TRHDE: variants seen among roughly 807,000 people sequenced by gnomAD.
The protein encoded by TRHDE is thyrotropin releasing hormone degrading enzyme.
TRHDE carries 72 observed loss-of-function variants against 125.7 expected under a neutral mutation model. The observed-to-expected ratio is 0.57, with a 90% CI of 0.47 to 0.70. The LOEUF (loss-of-function observed/expected upper bound fraction) is 0.70. Among genes scored for constraint, TRHDE ranks in the 30% least tolerant of loss-of-function variants. TRHDE has a pLI of 0.00. For missense variants in TRHDE, 1,110 were observed against 1,327.1 expected (o/e 0.84, Z 2.54); for synonymous variants, 509 against 509.1 (o/e 1.00, Z 0.00).
intron 5 of TRHDE, among the ~76,000 whole-genome samples, chr12:72,491,229 A>G (rs1204707743): frequency 2.0e-5 from 3 of 151,950 alleles, no homozygotes; most frequent in Admixed American, 2.0e-4. Context: ...ATATGAAAGC[A>G]CATGGCATAT....
At chr12:72,475,488 G>T (rs1342014435) in intron 5 of TRHDE, among the ~76,000 whole-genome samples, 1 of 152,088 alleles carries the variant, frequency 6.6e-6, no homozygotes, top group East Asian at 1.9e-4. Context: ...GACAGCTTTT[G>T]ATTGTTTTAG....
intron 3 of TRHDE, among the ~76,000 whole-genome samples, chr12:72,447,742 T>C (rs1466713375): frequency 6.6e-6 from 1 of 152,002 alleles, no homozygotes; most frequent in Non-Finnish European, 1.5e-5. Flanking sequence ...CAAAAAAAGA[T>C]TGATGCTTGA....
intron 12 of TRHDE, among the ~76,000 whole-genome samples, chr12:72,611,817 AATG>A (rs1872643311): frequency 6.6e-6 from 1 of 152,184 alleles, no homozygotes; most frequent in African/African-American, 2.4e-5. Context: ...CTCTTAATAG[AATG>A]ATGTTTATGA....
At chr12:72,383,503 A>G (rs535785084) in intron 3 of TRHDE, among the ~76,000 whole-genome samples, 21 of 147,572 alleles carry the variant, frequency 1.4e-4, no homozygotes, top group African/African-American at 5.3e-4. Context: ...CAGCCTACCC[A>G]GTAGCTGGGA....
chr12:72,097,878 CA>C (rs1383937250), intron 1 of TRHDE, among the ~76,000 whole-genome samples: 2 of 152,008 alleles, frequency 1.3e-5, no homozygotes, highest in African/African-American at 4.8e-5. Flanking sequence ...GGCCTGTTAC[CA>C]AATGCTTAAA....
At chr12:72,645,005 T>TG (rs1194609087) in intron 15 of TRHDE, among the ~76,000 whole-genome samples, 1 of 152,184 alleles carries the variant, frequency 6.6e-6, no homozygotes, top group African/African-American at 2.4e-5. Flanking sequence ...GCTAGGCTAT[T>TG]GGGTGAGTAT....
chr12:72,456,176 C>CAGAGAG (rs1555187731), intron 3 of TRHDE, among the ~76,000 whole-genome samples: 1 of 140,442 alleles, frequency 7.1e-6, no homozygotes, highest in Non-Finnish European at 1.5e-5. Flanking sequence ...CACACACACA[C>CAGAGAG]AGAGACTCAG....
intron 15 of TRHDE, among the ~76,000 whole-genome samples, chr12:72,639,138 A>C (rs1261661307): frequency 6.6e-6 from 1 of 150,912 alleles, no homozygotes; most frequent in Non-Finnish European, 1.5e-5. Context: ...ACTTTCAGGT[A>C]CACCAATCAG....
chr12:72,637,391 T>C lies in TRHDE; in HGVS notation c.2676-14931T>C, dbSNP rs183670623. Reference sequence around the variant, plus strand: ...TTATTGCATCTATTTGATTCTTTTCTCTTTTTTTCTTTATTAGTCTTGCTA... The same window carrying C: ...TTATTGCATCTATTTGATTCTTTTCCCTTTTTTTCTTTATTAGTCTTGCTA... On this transcript the variant is annotated intron_variant, in intron 15 of 18. Transcript: ENST00000261180. Among the ~76,000 whole-genome samples, 5 of 152,302 alleles carry C rather than the reference T, an allele frequency of 3.3e-5. No individual in the cohort carries two copies. The East Asian group carries it at 9.6e-4, about 29-fold the overall frequency.
chr12:72,433,452 G>A (rs952371447), intron 3 of TRHDE, among the ~76,000 whole-genome samples: 1 of 152,188 alleles, frequency 6.6e-6, no homozygotes, highest in Admixed American at 6.5e-5. Context: ...TATGGGTGGG[G>A]TGCTGGACAG....
At chr12:72,355,842 C>T (rs759127322) in intron 2 of TRHDE, among the ~76,000 whole-genome samples, 16 of 151,758 alleles carry the variant, frequency 1.1e-4, no homozygotes, top group Non-Finnish European at 1.8e-4. Flanking sequence ...AAATCAAAAC[C>T]ATATTGAGAA....
chr12:72,588,808 AAG>A (rs1444568546), intron 12 of TRHDE, among the ~76,000 whole-genome samples: 2 of 152,170 alleles, frequency 1.3e-5, no homozygotes, highest in Non-Finnish European at 2.9e-5. Flanking sequence ...TTATAAAGGA[AAG>A]AGATTTAATT....
chr12:72,435,065 A>G (rs1299737999), intron 3 of TRHDE, among the ~76,000 whole-genome samples: 1 of 152,212 alleles, frequency 6.6e-6, no homozygotes, highest in Non-Finnish European at 1.5e-5. Flanking sequence ...CTTCTTCATC[A>G]GCAGTTCATT....
In TRHDE at chr12:72,286,791, C is replaced by A; in HGVS notation, c.1025C>A (p.Thr342Asn). Residue 342 changes from threonine (T) to asparagine (N), a missense_variant, in exon 2 of 19, where the codon ACC (threonine) becomes AAC (asparagine). By Grantham distance (65) the Thr-to-Asn change is moderately conservative (BLOSUM62 0). Coordinates refer to ENST00000261180, the MANE Select transcript of TRHDE (RefSeq NM_013381.3). ...AAAATCAGCATCAAGCATCAAGCAA[C>A]CTATTTATCTTTATCTAATATGCCA... ...TFKISIKHQA[T>N]YLSLSNMPVE... The A allele has an allele frequency of 6.2e-7, 1 of 1,613,740 alleles. No individual in the cohort carries two copies. The highest frequency in any genetic ancestry group is 8.5e-7 in the Non-Finnish European group (1 of 1,179,956).
chr12:72,469,411 A>G (rs1454276702), intron 3 of TRHDE, among the ~76,000 whole-genome samples: 1 of 152,224 alleles, frequency 6.6e-6, no homozygotes, highest in Non-Finnish European at 1.5e-5. Flanking sequence ...ATATATTTTC[A>G]TTAGAAGGCA....
At chr12:72,629,612 A>G (rs1873395867) in intron 15 of TRHDE, among the ~76,000 whole-genome samples, 1 of 151,690 alleles carries the variant, frequency 6.6e-6, no homozygotes, top group South Asian at 2.1e-4. Context: ...AAGCATTATT[A>G]TTTGCTAAAC....
chr12:72,500,472 A>G (rs1327434812), intron 6 of TRHDE, among the ~76,000 whole-genome samples: 3 of 152,046 alleles, frequency 2.0e-5, no homozygotes, highest in Non-Finnish European at 4.4e-5. Context: ...GCTCACTGCA[A>G]CCTTCACCTC....
At chr12:72,561,825 G>A (rs1870191764) in intron 7 of TRHDE, among the ~76,000 whole-genome samples, 1 of 152,034 alleles carries the variant, frequency 6.6e-6, no homozygotes. Flanking sequence ...AGCCTGATGG[G>A]AAAGTTTCTC....
intron 12 of TRHDE, among the ~76,000 whole-genome samples, chr12:72,585,911 T>C (rs1871419796): frequency 6.6e-6 from 1 of 152,202 alleles, no homozygotes; most frequent in Non-Finnish European, 1.5e-5. Flanking sequence ...AATATATGAA[T>C]ACAGGTACTA....
Sources: gnomAD v4.1 joint callset for allele counts (sites outside exome capture counted in the v4.1 genomes callset) on GRCh38, gnomAD v4.1.1 for gene constraint, MANE v1.5 for transcripts, NCBI Gene and HGNC (gene_info 2026-07-23, HGNC 2026-07-21) for gene names.